The following CTR9 variants were observed in gnomAD, a reference collection of about 807,000 sequenced individuals.
The protein encoded by CTR9 is RNA polymerase-associated protein CTR9 homolog.
Under a neutral mutation model 152.1 loss-of-function variants are expected in CTR9, and 41 were observed. That is an observed-to-expected ratio of 0.27 (90% CI 0.21 to 0.35). The LOEUF (loss-of-function observed/expected upper bound fraction) is 0.35, where lower values mean the gene tolerates loss of function less well. CTR9 is among the 10% of genes least tolerant of loss of function. The pLI is 1.00. For synonymous variants in CTR9, 476 were observed against 496.2 expected (o/e 0.96, Z 0.54); for missense variants, 917 against 1,424.4 (o/e 0.64, Z 5.73).
At chr11:10,772,756 A>C (rs1003914516) in intron 20 of CTR9, 101 bp downstream of exon 20, 11 of 1,223,604 alleles carry the variant, frequency 9.0e-6, no homozygotes, top group African/African-American at 3.2e-5. Flanking sequence ...GTGGTGGCTG[A>C]CACCTCTAAT....
At chr11:10,776,748 G>T (rs7937945) in intron 24 of CTR9, among the ~76,000 whole-genome samples, 1 of 151,822 alleles carries the variant, frequency 6.6e-6, no homozygotes, top group Non-Finnish European at 1.5e-5. Context: ...CAACGTGGGC[G>T]GATCACTTGA....
intron 24 of CTR9, among the ~76,000 whole-genome samples, chr11:10,776,971 GAAA>G (rs11326865): frequency 1.1e-4 from 7 of 63,252 alleles, no homozygotes; most frequent in African/African-American, 1.7e-4. Context: ...AGACTCTTGT[GAAA>G]AAAAAAAAAA....
Position 10,756,865 on chromosome 11 carries a change from T to C in CTR9, c.592+27T>C, listed in dbSNP as rs1862892687. 2.2e-6 allele frequency: 3 copies of C among 1,394,656 alleles called. No individual in the cohort carries two copies. The East Asian group carries it at 6.9e-5, about 32-fold the overall frequency. 86.4% of individuals were successfully genotyped at this position (1,394,656 alleles called of 1,614,324 possible). A position where few individuals can be genotyped will look rare whatever the true frequency, so the allele number is the denominator to read the frequency against. ...TAAGAGAAAAATTTTATTTTATGTCTAAACTGTGTATTACCCAGCTTAAAG... is the reference window on the plus strand; with the variant it reads ...TAAGAGAAAAATTTTATTTTATGTCCAAACTGTGTATTACCCAGCTTAAAG... On this transcript the variant is annotated intron_variant, in intron 5 of 24. Transcript: ENST00000361367.
chr11:10,777,555 G>A lies in CTR9; in HGVS notation c.3096-1124G>A, dbSNP rs140172435. On this transcript the variant is annotated intron_variant, in intron 24 of 24. Transcript: ENST00000361367. ...ATGCATGATCAGTGTAATGAAATAC[G>A]TGGTTTTCAAAGACTGAGCACTATT... Among the ~76,000 whole-genome samples the A allele has an allele frequency of 5.3e-5, 8 of 152,296 alleles. No homozygotes were observed. The East Asian group carries it at 1.4e-3, about 26-fold the overall frequency.
chr11:10,763,716 T>C lies in CTR9; in HGVS notation c.1031T>C (p.Phe344Ser). 1 of 1,614,072 alleles carries C rather than the reference T, an allele frequency of 6.2e-7. No individual in the cohort carries two copies. Among genetic ancestry groups the C allele is most frequent in the Non-Finnish European group, 8.5e-7 (1 of 1,179,984 alleles). The change falls in exon 9 of 25, where the codon TTT (phenylalanine) becomes TCT (serine). Residue 344 changes from phenylalanine to serine, a missense_variant. This residue lies in a region of CTR9 where 133 missense variants were observed against 244.1 expected (regional missense o/e 0.54). Transcript: ENST00000361367. ...GCCTCATCCTCTTTTGTGCTCCCATTTTTTGGTTTGGGACAAATGTATATT... is the reference window on the plus strand; with the variant it reads ...GCCTCATCCTCTTTTGTGCTCCCATCTTTTGGTTTGGGACAAATGTATATT... ...QFASSSFVLP[F>S]FGLGQMYIYR... is the part of the protein sequence containing the mutation.
At chr11:10,763,267 G>T (rs982810135) in intron 7 of CTR9, among the ~76,000 whole-genome samples, 164 bp from the exon 8 acceptor site, 1 of 149,922 alleles carries the variant, frequency 6.7e-6, no homozygotes, top group African/African-American at 2.4e-5. Context: ...CCCTTTCATA[G>T]TGAATTATTG....
At chr11:10,775,087 G>A in intron 22 of CTR9, 120 bp from the exon 23 acceptor site, 2 of 745,052 alleles carry the variant, frequency 2.7e-6, no homozygotes, top group Non-Finnish European at 4.4e-6. Flanking sequence ...TGTACAGTAT[G>A]ATTGAGGACA....
intron 3 of CTR9, 47 bp downstream of exon 3, chr11:10,755,244 A>G: frequency 6.4e-7 from 1 of 1,566,578 alleles, no homozygotes; most frequent in Non-Finnish European, 8.6e-7. Context: ...GGAGAAAAGC[A>G]CATGAAAGCA....
rs984044189 is a variant in CTR9, at chr11:10,768,424, G to T, written c.2042G>T (p.Ser681Ile). ...AQVREATADISDVWLNLAHIY... is the reference protein window; with the variant it reads ...AQVREATADIIDVWLNLAHIY... ...GTAAGAGAAGCAACAGCAGATATTA[G>T]TGATGTGTGGCTGAACTTAGCACAC... Residue 681 changes from serine to isoleucine, a missense_variant, in exon 16 of 25, where the codon AGT (serine) becomes ATT (isoleucine). Transcript: ENST00000361367. 6.2e-7 allele frequency: 1 copy of T among 1,614,138 alleles called. No homozygotes were observed. The highest frequency in any genetic ancestry group is 8.5e-7 in the Non-Finnish European group (1 of 1,180,006).
At chr11:10,771,657 G>A (rs1863144962) in intron 19 of CTR9, 41 bp downstream of exon 19, 1 of 1,457,164 alleles carries the variant, frequency 6.9e-7, no homozygotes, top group South Asian at 1.1e-5. Context: ...GGGTGAGGCA[G>A]TGATATTTAC....
chr11:10,766,841 T>C (rs149965792), intron 13 of CTR9, among the ~76,000 whole-genome samples: 175 of 152,364 alleles, frequency 1.1e-3, no homozygotes, highest in African/African-American at 3.9e-3. Flanking sequence ...GAGAACTTTA[T>C]AGCATAGTAT....
chr11:10,768,007 C>T lies in CTR9; in HGVS notation c.1872+16C>T. On this transcript the variant is annotated intron_variant, in intron 14 of 24. Coordinates refer to ENST00000361367, the MANE Select transcript of CTR9 (RefSeq NM_014633.5). ...TCGAGAAAAGGTAATCTCTTTTTGT[C>T]CTTTTAAACAAAACTGATACTCTAC... The T allele has an allele frequency of 6.2e-7, 1 of 1,613,138 alleles. No homozygotes were observed. The highest frequency in any genetic ancestry group is 8.5e-7 in the Non-Finnish European group (1 of 1,179,572).
At chr11:10,761,283 C>A (rs1362383181) in intron 6 of CTR9, among the ~76,000 whole-genome samples, 1 of 141,860 alleles carries the variant, frequency 7.0e-6, no homozygotes, top group Non-Finnish European at 1.6e-5. Context: ...CATGATTCAT[C>A]CCCCGGGCCT....
At chr11:10,754,489 A>G (rs1862853965) in intron 2 of CTR9, among the ~76,000 whole-genome samples, 1 of 152,194 alleles carries the variant, frequency 6.6e-6, no homozygotes, top group Non-Finnish European at 1.5e-5. Context: ...TCATCTGTAT[A>G]TACCTGTGAA....
rs766388019 is a variant in CTR9 at position 10,764,463 on chromosome 11, T to C, written c.1413+27T>C. ...TAGGAAAATAGAAATATTTCCTTCT[T>C]TTATACTGAATCAAGTTGCATGCAC... On this transcript the variant is annotated intron_variant, in intron 11 of 24. Coordinates refer to ENST00000361367, the MANE Select transcript of CTR9 (RefSeq NM_014633.5). 37 of 1,569,846 alleles carry C rather than the reference T, an allele frequency of 2.4e-5. No homozygotes were observed. In the South Asian group the frequency reaches 4.0e-4, roughly 17 times the overall value.
Position 10,764,664 on chromosome 11 carries a change from G to A in CTR9, c.1530G>A (p.Met510Ile), listed in dbSNP as rs1296689699. Residue 510 changes from methionine to isoleucine, a missense_variant, in exon 12 of 25, where the codon ATG (methionine) becomes ATA (isoleucine). This residue lies in a region of CTR9 where 133 missense variants were observed against 244.1 expected (regional missense o/e 0.54). Transcript: ENST00000361367. ...SYNLARLYEAMCEFHEAEKLY... is the reference protein window; with the variant it reads ...SYNLARLYEAICEFHEAEKLY... ...ATCTCGCCAGGCTATATGAGGCGAT[G>A]TGTGAATTCCATGAAGCAGAAAAAC... 2 of 1,612,990 alleles carry A rather than the reference G, an allele frequency of 1.2e-6. No individual in the cohort carries two copies. Among genetic ancestry groups the A allele is most frequent in the Admixed American group, 1.7e-5 (1 of 60,004 alleles).
At chr11:10,774,552 A>G (rs374378494) in intron 22 of CTR9, among the ~76,000 whole-genome samples, 10 of 152,328 alleles carry the variant, frequency 6.6e-5, no homozygotes, top group African/African-American at 1.7e-4. Context: ...AGCAATGCCT[A>G]CCTCATGGTT....
At chr11:10,761,655 T>A (rs1862979723) in intron 6 of CTR9, among the ~76,000 whole-genome samples, 1 of 151,882 alleles carries the variant, frequency 6.6e-6, no homozygotes, top group Admixed American at 6.6e-5. Flanking sequence ...AAGGTGGCTC[T>A]TTGTGGGAGA....
intron 7 of CTR9, among the ~76,000 whole-genome samples, chr11:10,763,101 A>T (rs1863003219): frequency 6.6e-6 from 1 of 150,822 alleles, no homozygotes; most frequent in Non-Finnish European, 1.5e-5. Flanking sequence ...TTGTGGGTGG[A>T]TAAGTTGAGG....
Sources: allele counts gnomAD v4.1 joint callset (sites outside exome capture counted in the v4.1 genomes callset), GRCh38; gene constraint gnomAD v4.1.1; regional missense constraint gnomAD v4.1.1; transcripts MANE v1.5; gene names NCBI Gene and HGNC (gene_info 2026-07-23, HGNC 2026-07-21).